The following DBX2 variants were observed in gnomAD, a reference collection of about 807,000 sequenced individuals.
DBX2 encodes the protein homeobox protein DBX2.
Under a neutral mutation model 17.7 loss-of-function variants are expected in DBX2, and 16 were observed. The ratio of observed to expected loss-of-function variants is 0.90; its 90% CI spans 0.61 to 1.37. The LOEUF (loss-of-function observed/expected upper bound fraction) is 1.37. Among genes scored for constraint, DBX2 ranks in the 40% most tolerant of loss-of-function variants. The pLI is 0.00. For missense variants in DBX2, 538 were observed against 433.8 expected (o/e 1.24, Z -2.13); for synonymous variants, 255 against 183.8 (o/e 1.39, Z -3.13).
At chr12:45,049,696 T>G (rs1256650883) in intron 1 of DBX2, among the ~76,000 whole-genome samples, 3 of 152,108 alleles carry the variant, frequency 2.0e-5, no homozygotes, top group Non-Finnish European at 4.4e-5. Context: ...GGTCTCAGTT[T>G]CTGAGTCTCT....
rs1946476008 is a variant in DBX2 at position 45,042,330 on chromosome 12, GC to G, written c.404-6217del. On this transcript the variant is annotated intron_variant, in intron 1 of 3. Coordinates refer to ENST00000332700, the MANE Select transcript of DBX2 (RefSeq NM_001004329.3). The stretch of plus-strand genomic sequence containing the variant: ...AAAAAGAAAAGGATATTTTAAGAAA[GC>G]CTTGTTCAAAGAAGGCTTTAAGCAG... Among the ~76,000 whole-genome samples, 3 of 152,142 alleles carry G rather than the reference GC, an allele frequency of 2.0e-5. No homozygotes were observed. The South Asian group carries it at 6.2e-4, about 31-fold the overall frequency.
Position 45,043,951 on chromosome 12 carries a change from T to G in DBX2, c.403+6574A>C, listed in dbSNP as rs74080476. 7.2e-3 allele frequency among the ~76,000 whole-genome samples: 1,103 copies of G among 152,298 alleles called. 11 individuals are homozygous for G. The highest frequency in any genetic ancestry group is 0.025 in the African/African-American group (1,048 of 41,554). On this transcript the variant is annotated intron_variant, in intron 1 of 3. Transcript: ENST00000332700. ...AGAGGCTCTGTGAGGTTATATGAAT[T>G]CCTTATGGTTACAGAATCAGTAATC...
chr12:45,042,529 CG>C (rs1261759351), intron 1 of DBX2, among the ~76,000 whole-genome samples: 3 of 152,114 alleles, frequency 2.0e-5, no homozygotes, highest in Non-Finnish European at 4.4e-5. Context: ...CAAAGCCCCA[CG>C]GGTGAACATT....
At position 45,051,006 on chromosome 12, in the gene DBX2, C is replaced by T. The variant is rs564101003; in HGVS notation, c.-79G>A. Reference sequence around the variant, plus strand: ...GGGCGCCCCGCACCGCACCCAGAGCCGCAGCTTCTCGCCGCCGCCTCCCGC... The same window carrying T: ...GGGCGCCCCGCACCGCACCCAGAGCTGCAGCTTCTCGCCGCCGCCTCCCGC... On this transcript the variant is annotated 5_prime_UTR_variant, in exon 1 of 4. Transcript: ENST00000332700. 1.5e-6 allele frequency: 2 copies of T among 1,309,760 alleles called. No homozygotes were observed. Among genetic ancestry groups the T allele is most frequent in the South Asian group, 2.4e-5 (1 of 41,050 alleles). 81.1% of individuals were successfully genotyped at this position (1,309,760 alleles called of 1,614,324 possible).
At chr12:45,028,410 T>A (rs1229755049) in intron 2 of DBX2, among the ~76,000 whole-genome samples, 1 of 152,152 alleles carries the variant, frequency 6.6e-6, no homozygotes, top group Non-Finnish European at 1.5e-5. Flanking sequence ...TACCCTTTTT[T>A]TTCTAAGTAG....
intron 2 of DBX2, among the ~76,000 whole-genome samples, chr12:45,027,309 TGAA>T (rs1375743734): frequency 1.3e-5 from 2 of 152,220 alleles, no homozygotes; most frequent in Non-Finnish European, 2.9e-5. Context: ...TCACTATAGA[TGAA>T]GACGTGTTCA....
At chr12:45,022,342 C>T (rs1322043605) in intron 3 of DBX2, among the ~76,000 whole-genome samples, 1 of 117,540 alleles carries the variant, frequency 8.5e-6, no homozygotes, top group Non-Finnish European at 1.6e-5. Context: ...CTTGCACTGT[C>T]GCCCAGGCTG....
At chr12:45,030,192 C>T (rs1052061714) in intron 2 of DBX2, among the ~76,000 whole-genome samples, 1 of 152,186 alleles carries the variant, frequency 6.6e-6, no homozygotes, top group Non-Finnish European at 1.5e-5. Context: ...GAAATCATGA[C>T]TTAACTCTGA....
intron 3 of DBX2, among the ~76,000 whole-genome samples, chr12:45,017,311 T>C (rs1429977412): frequency 6.6e-6 from 1 of 152,186 alleles, no homozygotes; most frequent in Non-Finnish European, 1.5e-5. Flanking sequence ...GCACTCGGGA[T>C]AGATTTTATA....
intron 1 of DBX2, among the ~76,000 whole-genome samples, chr12:45,040,442 T>C (rs1311183796): frequency 6.6e-6 from 1 of 152,116 alleles, no homozygotes; most frequent in Non-Finnish European, 1.5e-5. Flanking sequence ...CACCTACCAA[T>C]CAAGCTTCCA....
chr12:45,043,995 A>G (rs1946485685), intron 1 of DBX2, among the ~76,000 whole-genome samples: 1 of 152,202 alleles, frequency 6.6e-6, no homozygotes, highest in Non-Finnish European at 1.5e-5. Context: ...TTGAATCTAG[A>G]CTTTTAAATA....
intron 3 of DBX2, among the ~76,000 whole-genome samples, chr12:45,016,938 C>CA (rs1276051325): frequency 6.6e-6 from 1 of 152,102 alleles, no homozygotes; most frequent in African/African-American, 2.4e-5. Context: ...CATGCACCAC[C>CA]ATAACCGGCT....
intron 2 of DBX2, among the ~76,000 whole-genome samples, chr12:45,034,111 C>G (rs191841334): frequency 4.3e-4 from 57 of 132,848 alleles, no homozygotes; most frequent in Non-Finnish European, 6.2e-4. Context: ...AAAATAAGTA[C>G]ACACACACAC....
At chr12:45,046,905 A>T (rs1946503585) in intron 1 of DBX2, among the ~76,000 whole-genome samples, 1 of 152,212 alleles carries the variant, frequency 6.6e-6, no homozygotes, top group Non-Finnish European at 1.5e-5. Context: ...CAGCAGCTCA[A>T]TTCACCTATC....
chr12:45,023,692 C>T lies in DBX2; in HGVS notation c.687+15G>A, dbSNP rs1412497243. ...AGAAATCAGAGGCAGTAGACATCTTCCTGCTTATTAGTACCTGTGATTCCT... is the reference window on the plus strand; with the variant it reads ...AGAAATCAGAGGCAGTAGACATCTTTCTGCTTATTAGTACCTGTGATTCCT... On this transcript the variant is annotated intron_variant, in intron 3 of 3. Coordinates refer to ENST00000332700, the MANE Select transcript of DBX2 (RefSeq NM_001004329.3). The T allele has an allele frequency of 1.2e-6, 2 of 1,613,770 alleles. No individual in the cohort carries two copies. Among genetic ancestry groups the T allele is most frequent in the East Asian group, 4.5e-5 (2 of 44,844 alleles).
chr12:45,050,771 T>C lies in DBX2; in HGVS notation c.157A>G (p.Arg53Gly). The change falls in exon 1 of 4, where the codon AGG becomes GGG. Residue 53 changes from arginine to glycine, a missense_variant. Arg to Gly is a moderately radical substitution (Grantham distance 125, BLOSUM62 -2). Coordinates refer to ENST00000332700, the MANE Select transcript of DBX2 (RefSeq NM_001004329.3). ...LLRVGGAPTP[R>G]LQPPAPHDPA... The stretch of plus-strand genomic sequence containing the variant: ...TCGTGGGGCGCGGGCGGCTGCAGCC[T>C]GGGCGTTGGGGCGCCCCCGACCCGC... 6.6e-7 allele frequency: 1 copy of C among 1,510,462 alleles called. No homozygotes were observed. Among genetic ancestry groups the C allele is most frequent in the South Asian group, 1.3e-5 (1 of 79,578 alleles). 93.6% of individuals were successfully genotyped at this position (1,510,462 alleles called of 1,614,324 possible).
At chr12:45,026,394 TATTTC>T (rs1459985400) in intron 2 of DBX2, among the ~76,000 whole-genome samples, 1 of 152,234 alleles carries the variant, frequency 6.6e-6, no homozygotes, top group Non-Finnish European at 1.5e-5. Flanking sequence ...TGACATGCAT[TATTTC>T]ATTTAATTCT....
intron 1 of DBX2, among the ~76,000 whole-genome samples, chr12:45,042,144 A>C (rs1329478140): frequency 6.6e-6 from 1 of 152,208 alleles, no homozygotes; most frequent in Non-Finnish European, 1.5e-5. Context: ...AATATAAAGC[A>C]AGGATGAGAC....
chr12:45,035,895 G>C (rs1410033927), intron 2 of DBX2, 124 bp downstream of exon 2: 1 of 875,784 alleles, frequency 1.1e-6, no homozygotes, highest in African/African-American at 1.7e-5. Context: ...AGATCGCTGT[G>C]ACTTTTAGTG....
Sources: gnomAD v4.1 joint callset for allele counts (sites outside exome capture counted in the v4.1 genomes callset) on GRCh38, gnomAD v4.1.1 for gene constraint, MANE v1.5 for transcripts, NCBI Gene and HGNC (gene_info 2026-07-23, HGNC 2026-07-21) for gene names.